Variants in SLC14A2 observed in about 807,000 individuals in gnomAD.
SLC14A2 encodes urea transporter 2.
In SLC14A2, 91 loss-of-function variants were observed where a neutral mutation model predicts 104.6. The observed-to-expected ratio is 0.87, with a 90% CI of 0.73 to 1.04. SLC14A2 has a LOEUF of 1.04. Ranked by LOEUF, SLC14A2 falls within the 50% of genes least tolerant of loss-of-function variation. The probability of loss-of-function intolerance (pLI) is 0.00; values close to 1 mark genes in which losing one functional copy is unlikely to be tolerated. For missense variants in SLC14A2, 1,189 were observed against 1,156.0 expected, an observed-to-expected ratio of 1.03 and a Z score of -0.41; for synonymous variants, 476 against 466.4, an observed-to-expected ratio of 1.02 and a Z score of -0.27.
chr18:45,243,770 G>A (rs749121965), intron 1 of SLC14A2, among the ~76,000 whole-genome samples: 9 of 152,122 alleles, frequency 5.9e-5, no homozygotes, highest in Non-Finnish European at 1.3e-4. Context: ...TCATAGCTGG[G>A]CCTTGCACAT....
the SLC14A2 span, among the ~76,000 whole-genome samples, chr18:45,174,033 A>T: frequency 6.6e-6 from 1 of 152,162 alleles, no homozygotes. Context: ...ATTATGGAGT[A>T]AGCCATTACC....
chr18:45,352,572 A>T (rs1464903376), intron 1 of SLC14A2, among the ~76,000 whole-genome samples: 5 of 152,232 alleles, frequency 3.3e-5, no homozygotes, highest in Admixed American at 3.3e-4. Context: ...GTAAGGGCAG[A>T]TTTGATCCTT....
intron 1 of SLC14A2, among the ~76,000 whole-genome samples, chr18:45,479,070 C>G (rs1382833687): frequency 1.3e-5 from 2 of 152,162 alleles, no homozygotes; most frequent in Non-Finnish European, 2.9e-5. Flanking sequence ...TCTACCTGCC[C>G]TAGGTTGGAA....
At chr18:45,541,100 T>G (rs147070362) in intron 2 of SLC14A2, among the ~76,000 whole-genome samples, 4 of 152,082 alleles carry the variant, frequency 2.6e-5, no homozygotes, top group African/African-American at 9.6e-5. Flanking sequence ...AAGCTCAGAG[T>G]CTAGGGATCT....
chr18:45,572,144 T>C (rs1297657130), intron 2 of SLC14A2, among the ~76,000 whole-genome samples: 1 of 152,228 alleles, frequency 6.6e-6, no homozygotes, highest in African/African-American at 2.4e-5. Context: ...ACTTTGTGAT[T>C]AGGTCAGTCT....
intron 1 of SLC14A2, among the ~76,000 whole-genome samples, chr18:45,428,123 G>A (rs949465543): frequency 2.0e-5 from 3 of 152,138 alleles, no homozygotes; most frequent in African/African-American, 7.2e-5. Context: ...CAGAGGGAGA[G>A]ATTATATGTA....
intron 2 of SLC14A2, among the ~76,000 whole-genome samples, chr18:45,489,076 A>T (rs1171239566): frequency 6.6e-6 from 1 of 152,182 alleles, no homozygotes; most frequent in East Asian, 1.9e-4. Context: ...AATGGTTTTG[A>T]TTATCCTACA....
chr18:45,180,110 A>C, the SLC14A2 span: 34,008 of 152,182 alleles, frequency 0.22, 4,013 homozygotes, highest in Non-Finnish European at 0.28. Context: ...GATAGTACCA[A>C]TGCACTCCAG....
At chr18:45,618,189 A>G (rs1453571743) in intron 1 of SLC14A2, among the ~76,000 whole-genome samples, 2 of 152,204 alleles carry the variant, frequency 1.3e-5, no homozygotes, top group Non-Finnish European at 2.9e-5. Flanking sequence ...TAAAGAATGG[A>G]TTCCTTCATC....
intron 2 of SLC14A2, among the ~76,000 whole-genome samples, chr18:45,492,420 C>T (rs1159775162): frequency 1.3e-5 from 2 of 152,162 alleles, no homozygotes; most frequent in Non-Finnish European, 2.9e-5. Flanking sequence ...AGCAGGTATG[C>T]TGTACATGGC....
the SLC14A2 span, among the ~76,000 whole-genome samples, chr18:45,187,039 AG>A: frequency 6.6e-6 from 1 of 152,170 alleles, no homozygotes; most frequent in East Asian, 1.9e-4. Flanking sequence ...GATGGTTTTC[AG>A]AAATTACTGT....
chr18:45,358,334 C>T (rs963251091), intron 1 of SLC14A2, among the ~76,000 whole-genome samples: 1 of 152,112 alleles, frequency 6.6e-6, no homozygotes, highest in Non-Finnish European at 1.5e-5. Context: ...GATGATGCCT[C>T]GCCCACTTTA....
At chr18:45,413,378 T>A (rs1446240538) in intron 1 of SLC14A2, among the ~76,000 whole-genome samples, 1 of 152,192 alleles carries the variant, frequency 6.6e-6, no homozygotes, top group African/African-American at 2.4e-5. Context: ...GAGATACTTG[T>A]AGGGTTGTGT....
intron 1 of SLC14A2, among the ~76,000 whole-genome samples, chr18:45,342,145 GTTC>G (rs1568159501): frequency 2.0e-5 from 3 of 152,172 alleles, no homozygotes; most frequent in African/African-American, 7.2e-5. Context: ...TAGGAACGAG[GTTC>G]GGTATTCGCT....
the SLC14A2 span, among the ~76,000 whole-genome samples, chr18:45,181,684 G>A: frequency 6.6e-6 from 1 of 152,038 alleles, no homozygotes; most frequent in African/African-American, 2.4e-5. Context: ...ATAAGATAAA[G>A]GGTCCATTGT....
intron 1 of SLC14A2, among the ~76,000 whole-genome samples, chr18:45,298,258 A>T (rs1173797270): frequency 1.3e-5 from 2 of 152,224 alleles, no homozygotes; most frequent in Non-Finnish European, 2.9e-5. Flanking sequence ...TAATTGGTGG[A>T]GCAACATGGG....
chr18:45,552,315 C>T (rs556501326), intron 2 of SLC14A2, among the ~76,000 whole-genome samples: 122 of 152,228 alleles, frequency 8.0e-4, no homozygotes, highest in African/African-American at 2.7e-3. Flanking sequence ...TCCCATGGCC[C>T]GCATAGCAGC....
intron 2 of SLC14A2, among the ~76,000 whole-genome samples, chr18:45,490,175 A>C (rs1396137238): frequency 6.6e-6 from 1 of 152,226 alleles, no homozygotes; most frequent in East Asian, 1.9e-4. Context: ...AAGAAATTTG[A>C]AAAAGACTGA....
At chr18:45,337,139 G>A (rs1195318357) in intron 1 of SLC14A2, among the ~76,000 whole-genome samples, 1 of 152,166 alleles carries the variant, frequency 6.6e-6, no homozygotes, top group Non-Finnish European at 1.5e-5. Flanking sequence ...GAGTAGCCAG[G>A]AGACTTTGGC....
Sources: allele counts gnomAD v4.1 joint callset (sites outside exome capture counted in the v4.1 genomes callset), GRCh38; gene constraint gnomAD v4.1.1; transcripts MANE v1.5; gene names NCBI Gene and HGNC (gene_info 2026-07-23, HGNC 2026-07-21).